The following DPYS variants were observed in gnomAD, a reference collection of about 807,000 sequenced individuals.
DPYS encodes the protein dihydropyrimidinase.
In DPYS, 39 loss-of-function variants were observed where a neutral mutation model predicts 50.3. The observed-to-expected ratio is 0.78, with a 90% CI of 0.60 to 1.01. DPYS has a LOEUF of 1.01. Among genes scored for constraint, DPYS ranks in the 50% least tolerant of loss-of-function variants. DPYS has a pLI of 0.00. For missense variants in DPYS, 659 were observed against 680.9 expected, an observed-to-expected ratio of 0.97 and a Z score of 0.36; for synonymous variants, 245 against 250.7, an observed-to-expected ratio of 0.98 and a Z score of 0.22.
At position 104,381,327 on chromosome 8, in the gene DPYS, A is replaced by G. The variant is rs1240171494; in HGVS notation, c.1444-13T>C. 6.2e-7 allele frequency: 1 copy of G among 1,603,820 alleles called. No homozygotes were observed. The highest frequency in any genetic ancestry group is 1.3e-5 in the African/African-American group (1 of 74,804). On this transcript the variant is annotated splice_polypyrimidine_tract_variant and intron_variant, in intron 8 of 9. Transcript: ENST00000351513. ...TAGGTGTGCAAGTCTGAAAGAGAACATTTCATTTCTCTCTTGTGGTTTATT... is the reference window on the plus strand; with the variant it reads ...TAGGTGTGCAAGTCTGAAAGAGAACGTTTCATTTCTCTCTTGTGGTTTATT...
chr8:104,463,344 A>G (rs1026924242), intron 1 of DPYS, among the ~76,000 whole-genome samples: 6 of 152,208 alleles, frequency 3.9e-5, no homozygotes, highest in African/African-American at 1.2e-4. Flanking sequence ...AGGAAAGTGA[A>G]GAGTTACTGT....
rs1208559947 is a variant in DPYS at position 104,466,941 on chromosome 8, C to T, written c.-21G>A. 10 of 1,430,418 alleles carry T rather than the reference C, an allele frequency of 7.0e-6. No individual in the cohort carries two copies. In the East Asian group the frequency reaches 2.0e-4, roughly 28 times the overall value. The allele number at this position is 1,430,418 out of a possible 1,614,324, so 88.6% of individuals were successfully genotyped here. A position where few individuals can be genotyped will look rare whatever the true frequency, so the allele number is the denominator to read the frequency against. ...GCCATAGCGAGGGGCGCGCGGGGTC[C>T]TACTCGGCCCGGGCTGCGCGCAGGG... is the stretch of plus-strand genomic sequence containing the variant. On this transcript the variant is annotated 5_prime_UTR_variant, in exon 1 of 10. Transcript: ENST00000351513.
At chr8:104,459,955 T>G (rs1814067293) in intron 1 of DPYS, among the ~76,000 whole-genome samples, 1 of 152,212 alleles carries the variant, frequency 6.6e-6, no homozygotes, top group Admixed American at 6.5e-5. Context: ...CCGCCTTCCC[T>G]TGTTCTGTTA....
intron 4 of DPYS, among the ~76,000 whole-genome samples, chr8:104,441,459 C>T (rs1395943166): frequency 6.6e-6 from 1 of 152,122 alleles, no homozygotes; most frequent in African/African-American, 2.4e-5. Flanking sequence ...TAAATTAAGG[C>T]CCTTGAAATG....
At chr8:104,393,385 A>T (rs1564081062) in intron 7 of DPYS, among the ~76,000 whole-genome samples, 1 of 152,196 alleles carries the variant, frequency 6.6e-6, no homozygotes, top group Admixed American at 6.5e-5. Context: ...GCTCTATGAA[A>T]TTTTAACTTT....
At chr8:104,442,841 G>A (rs575509369) in intron 4 of DPYS, among the ~76,000 whole-genome samples, 23 of 152,304 alleles carry the variant, frequency 1.5e-4, no homozygotes, top group Middle Eastern at 3.4e-3. Flanking sequence ...GTGAGAGGAT[G>A]GCTTGAGCCC....
chr8:104,464,411 C>A (rs1017421689), intron 1 of DPYS, among the ~76,000 whole-genome samples: 1 of 152,182 alleles, frequency 6.6e-6, no homozygotes, highest in Admixed American at 6.5e-5. Context: ...ACTTCCTCTT[C>A]TTTGCTGCTT....
chr8:104,408,342 A>G (rs537729664), intron 7 of DPYS, among the ~76,000 whole-genome samples: 1 of 152,350 alleles, frequency 6.6e-6, no homozygotes, highest in Middle Eastern at 3.4e-3. Context: ...ATAAAGACAC[A>G]AATAATATTA....
At chr8:104,448,729 A>G (rs886145664) in intron 2 of DPYS, among the ~76,000 whole-genome samples, 1 of 152,238 alleles carries the variant, frequency 6.6e-6, no homozygotes, top group African/African-American at 2.4e-5. Flanking sequence ...GACTAAAAAC[A>G]CATGCAAGAA....
intron 7 of DPYS, among the ~76,000 whole-genome samples, chr8:104,397,224 G>A (rs1047692147): frequency 8.5e-5 from 13 of 152,170 alleles, no homozygotes; most frequent in African/African-American, 3.1e-4. Context: ...TGACGACATG[G>A]GGTGAAACTG....
intron 8 of DPYS, among the ~76,000 whole-genome samples, chr8:104,389,330 C>G (rs892969054): frequency 6.6e-6 from 1 of 152,154 alleles, no homozygotes; most frequent in African/African-American, 2.4e-5. Context: ...ATTTAAAAAT[C>G]TAGAGTTTTT....
intron 6 of DPYS, among the ~76,000 whole-genome samples, chr8:104,426,681 G>A (rs1355348551): frequency 1.3e-5 from 2 of 152,168 alleles, no homozygotes; most frequent in Admixed American, 6.5e-5. Context: ...ATGACACTGG[G>A]GACCAGAAGT....
chr8:104,429,826 C>G, intron 4 of DPYS, 125 bp from the exon 5 acceptor site: 1 of 1,193,728 alleles, frequency 8.4e-7, no homozygotes, highest in South Asian at 1.4e-5. Context: ...AGCAGAATCC[C>G]AAACTATAAT....
intron 1 of DPYS, among the ~76,000 whole-genome samples, chr8:104,455,301 G>A (rs940312382): frequency 6.6e-6 from 1 of 152,136 alleles, no homozygotes; most frequent in Non-Finnish European, 1.5e-5. Flanking sequence ...AAGAAGATCT[G>A]GGGGGAAGAG....
intron 7 of DPYS, among the ~76,000 whole-genome samples, chr8:104,401,489 T>C (rs1454908932): frequency 6.6e-6 from 1 of 152,120 alleles, no homozygotes; most frequent in Non-Finnish European, 1.5e-5. Context: ...TAGACAATAC[T>C]GCCCCTCGAA....
chr8:104,422,011 C>T (rs1812566399), intron 7 of DPYS, among the ~76,000 whole-genome samples: 12 of 152,136 alleles, frequency 7.9e-5, no homozygotes, highest in Admixed American at 7.9e-4. Context: ...TATTCACAAC[C>T]TTAGGTTCAG....
At chr8:104,410,275 C>G (rs1358824558) in intron 7 of DPYS, among the ~76,000 whole-genome samples, 3 of 152,086 alleles carry the variant, frequency 2.0e-5, no homozygotes, top group Non-Finnish European at 4.4e-5. Context: ...CTACAATAGC[C>G]TCCTGACCAT....
chr8:104,399,834 A>T (rs778702480), intron 7 of DPYS, among the ~76,000 whole-genome samples: 8 of 125,766 alleles, frequency 6.4e-5, no homozygotes, highest in Non-Finnish European at 1.1e-4. Context: ...GCACCACTGC[A>T]CTCCAGCCTG....
chr8:104,445,802 T>C (rs1813507694), intron 3 of DPYS, among the ~76,000 whole-genome samples: 1 of 152,122 alleles, frequency 6.6e-6, no homozygotes, highest in South Asian at 2.1e-4. Flanking sequence ...TCCGAGCACT[T>C]TGGGAGGCTG....
Sources: gnomAD v4.1 joint callset for allele counts (sites outside exome capture counted in the v4.1 genomes callset) on GRCh38, gnomAD v4.1.1 for gene constraint, MANE v1.5 for transcripts, NCBI Gene and HGNC (gene_info 2026-07-23, HGNC 2026-07-21) for gene names.